CREB3L1: variants seen among roughly 807,000 people sequenced by gnomAD.
CREB3L1 encodes the protein cyclic AMP-responsive element-binding protein 3-like protein 1.
In CREB3L1, 33 loss-of-function variants were observed where a neutral mutation model predicts 54.5. That is an observed-to-expected ratio of 0.61 (90% CI 0.46 to 0.81). CREB3L1 has a LOEUF of 0.81. CREB3L1 is among the 30% of genes least tolerant of loss of function. The pLI is 0.00. For missense variants in CREB3L1, 656 were observed against 673.3 expected, an observed-to-expected ratio of 0.97 and a Z score of 0.29; for synonymous variants, 284 against 286.4, an observed-to-expected ratio of 0.99 and a Z score of 0.08.
intron 1 of CREB3L1, among the ~76,000 whole-genome samples, chr11:46,299,189 C>T (rs1239853661): frequency 6.6e-6 from 1 of 151,906 alleles, no homozygotes; most frequent in East Asian, 1.9e-4. Flanking sequence ...GGTCGTGACC[C>T]ACTAAATTGA....
intron 3 of CREB3L1, among the ~76,000 whole-genome samples, chr11:46,308,268 A>G (rs923682729): frequency 6.6e-6 from 1 of 152,148 alleles, no homozygotes; most frequent in African/African-American, 2.4e-5. Context: ...GCAGGGCTCC[A>G]GGCAGGGGTG....
At chr11:46,313,408 T>A (rs916874386) in intron 8 of CREB3L1, among the ~76,000 whole-genome samples, 6 of 152,080 alleles carry the variant, frequency 3.9e-5, no homozygotes, top group Non-Finnish European at 8.8e-5. Context: ...AAATGCAGGC[T>A]GGGCACGGTG....
At position 46,277,909 on chromosome 11, in the gene CREB3L1, C is replaced by A. The variant is rs1468191753; in HGVS notation, c.-203C>A. 3 of 387,828 alleles carry A rather than the reference C, an allele frequency of 7.7e-6. No homozygotes were observed. The highest frequency in any genetic ancestry group is 1.4e-5 in the Non-Finnish European group (3 of 220,022). 24.0% of individuals were successfully genotyped at this position (387,828 alleles called of 1,614,324 possible). A position where few individuals can be genotyped will look rare whatever the true frequency, so the allele number is the denominator to read the frequency against. On this transcript the variant is annotated 5_prime_UTR_variant, in exon 1 of 12. Transcript: ENST00000621158. ...CCGGGGCCCCTGAGCCCATCCCGCT[C>A]CTAGCCGCTGCCCTAAGGCCCCCGC...
At chr11:46,289,152 C>T (rs573617045) in intron 1 of CREB3L1, among the ~76,000 whole-genome samples, 6 of 151,968 alleles carry the variant, frequency 3.9e-5, no homozygotes, top group East Asian at 1.9e-4. Context: ...CTGAGGCAGG[C>T]GGATCACTTG....
chr11:46,321,064 A>C lies in CREB3L1; in HGVS notation c.*318A>C. 2 of 565,374 alleles carry C rather than the reference A, an allele frequency of 3.5e-6. No individual in the cohort carries two copies. The highest frequency in any genetic ancestry group is 3.1e-5 in the East Asian group (1 of 32,758). 35.0% of individuals were successfully genotyped at this position (565,374 alleles called of 1,614,324 possible). A position where few individuals can be genotyped will look rare whatever the true frequency, so the allele number is the denominator to read the frequency against. On this transcript the variant is annotated 3_prime_UTR_variant, in exon 12 of 12. Coordinates refer to ENST00000621158, the MANE Select transcript of CREB3L1 (RefSeq NM_052854.4). ...CCCACACCTGCACCCAAACAGACAC[A>C]TCAACGCACCCCACTCACAGACACC...
At position 46,320,308 on chromosome 11, in the gene CREB3L1, T is replaced by C; in HGVS notation, c.1303T>C (p.Trp435Arg). The change falls in exon 11 of 12, where the codon TGG (tryptophan) becomes CGG (arginine). Residue 435 changes from tryptophan (W) to arginine (R), a missense_variant. Transcript: ENST00000621158. The stretch of plus-strand genomic sequence containing the variant: ...ATTCTACGATGACGGGGCAGGCTTA[T>C]GGGAAGATGGCCGCAGCACCCTGCT... ...LLFYDDGAGL[W>R]EDGRSTLLPM... is the part of the protein sequence containing the mutation. The C allele has an allele frequency of 6.2e-7, 1 of 1,613,002 alleles. No individual in the cohort carries two copies. The highest frequency in any genetic ancestry group is 1.3e-5 in the African/African-American group (1 of 75,004).
At chr11:46,301,042 C>T (rs1221741811) in intron 2 of CREB3L1, among the ~76,000 whole-genome samples, 1 of 144,462 alleles carries the variant, frequency 6.9e-6, no homozygotes. Context: ...TAGCTGGGCG[C>T]GGTGGTGGGT....
intron 2 of CREB3L1, among the ~76,000 whole-genome samples, 184 bp from the exon 3 acceptor site, chr11:46,307,632 A>G (rs949882019): frequency 6.6e-6 from 1 of 152,122 alleles, no homozygotes; most frequent in Non-Finnish European, 1.5e-5. Context: ...CTGAATGAAG[A>G]GGATGTCCTC....
rs764866404 is a variant in CREB3L1 at position 46,320,455 on chromosome 11, G to A, written c.1450G>A (p.Glu484Lys). Reference sequence around the variant, plus strand: ...CCACGAGACCACCAAGTACCTGAGTGAGGCCTGGCCTAAAGACGGTGGAAA... The same window carrying A: ...CCACGAGACCACCAAGTACCTGAGTAAGGCCTGGCCTAAAGACGGTGGAAA... ...STHETTKYLS[E>K]AWPKDGGNGT... The change falls in exon 11 of 12, where the codon GAG becomes AAG. Residue 484 changes from glutamate (E) to lysine (K), a missense_variant. Physicochemically the swap from Glu to Lys is moderately conservative, Grantham distance 56. This residue lies in a region of CREB3L1 where 240 missense variants were observed against 219.8 expected (regional missense o/e 1.09). Coordinates refer to ENST00000621158, the MANE Select transcript of CREB3L1 (RefSeq NM_052854.4). 1.9e-6 allele frequency: 3 copies of A among 1,607,528 alleles called. No individual in the cohort carries two copies. The highest frequency in any genetic ancestry group is 1.3e-5 in the African/African-American group (1 of 74,708).
chr11:46,299,819 G>A (rs1488168787), intron 1 of CREB3L1, 116 bp from the exon 2 acceptor site: 1 of 720,296 alleles, frequency 1.4e-6, no homozygotes, highest in Non-Finnish European at 2.5e-6. Flanking sequence ...CACAGTAATG[G>A]GAGGTTGCAG....
At chr11:46,312,294 G>T (rs1289455048) in intron 5 of CREB3L1, 31 bp from the exon 6 acceptor site, 1 of 1,547,180 alleles carries the variant, frequency 6.5e-7, no homozygotes, top group African/African-American at 1.4e-5. Flanking sequence ...GGGCTGCCTG[G>T]CTCCTAACTA....
At chr11:46,299,577 G>T (rs1025182351) in intron 1 of CREB3L1, among the ~76,000 whole-genome samples, 2 of 152,188 alleles carry the variant, frequency 1.3e-5, no homozygotes, top group Admixed American at 6.5e-5. Flanking sequence ...ACTGACTCAC[G>T]CAGTTTAAGT....
chr11:46,308,396 G>A (rs931959912), intron 3 of CREB3L1, among the ~76,000 whole-genome samples: 1 of 152,136 alleles, frequency 6.6e-6, no homozygotes, highest in Non-Finnish European at 1.5e-5. Context: ...ACAAAAAAAA[G>A]TGTGCTATAT....
chr11:46,307,811 C>G lies in CREB3L1; in HGVS notation c.332-5C>G. The G allele has an allele frequency of 1.3e-6, 2 of 1,556,680 alleles. No individual in the cohort carries two copies. Among genetic ancestry groups the G allele is most frequent in the Non-Finnish European group, 1.7e-6 (2 of 1,150,616 alleles). The stretch of plus-strand genomic sequence containing the variant: ...GAGTCCCCTGAGCCTTTCCCCTTCC[C>G]CTAGATGCAGAGCATGGAGCATGGG... On this transcript the variant is annotated splice_region_variant and splice_polypyrimidine_tract_variant and intron_variant, in intron 2 of 11. Transcript: ENST00000621158.
At position 46,320,749 on chromosome 11, in the gene CREB3L1, C is replaced by T; in HGVS notation, c.*3C>T. ...ACACCACCATCAAACTCTCCTAGGC[C>T]ATGCCAAGACCCAGGACATAGGACG... On this transcript the variant is annotated 3_prime_UTR_variant, in exon 12 of 12. Transcript: ENST00000621158. The T allele has an allele frequency of 6.2e-7, 1 of 1,612,054 alleles. No individual in the cohort carries two copies. Among genetic ancestry groups the T allele is most frequent in the Non-Finnish European group, 8.5e-7 (1 of 1,179,188 alleles).
chr11:46,288,531 C>T (rs1448928254), intron 1 of CREB3L1, among the ~76,000 whole-genome samples: 1 of 152,208 alleles, frequency 6.6e-6, no homozygotes, highest in Non-Finnish European at 1.5e-5. Flanking sequence ...CTGCAGAGCC[C>T]TGATCACGGG....
At chr11:46,279,015 C>T (rs1411171200) in intron 1 of CREB3L1, among the ~76,000 whole-genome samples, 2 of 152,164 alleles carry the variant, frequency 1.3e-5, no homozygotes, top group Non-Finnish European at 2.9e-5. Flanking sequence ...CAGGCTCAGC[C>T]CTAAGGCCTT....
chr11:46,320,392 C>T lies in CREB3L1; in HGVS notation c.1387C>T (p.Pro463Ser). Reference sequence around the variant, plus strand: ...CCCCGGGGGGCCGGCAGAGCAGCGGCCCCGGGACCACCTGCAGCATGATCA... The same window carrying T: ...CCCCGGGGGGCCGGCAGAGCAGCGGTCCCGGGACCACCTGCAGCATGATCA... ...INPGGPAEQRPRDHLQHDHLD... is the reference protein window; with the variant it reads ...INPGGPAEQRSRDHLQHDHLD... Residue 463 changes from proline (P) to serine (S), a missense_variant, in exon 11 of 12, where the codon CCC becomes TCC. Transcript: ENST00000621158. 1.2e-6 allele frequency: 2 copies of T among 1,610,972 alleles called. No homozygotes were observed. The highest frequency in any genetic ancestry group is 1.7e-6 in the Non-Finnish European group (2 of 1,178,668).
At chr11:46,312,752 G>C (rs1939510910) in intron 7 of CREB3L1, 82 bp downstream of exon 7, 3 of 1,555,624 alleles carry the variant, frequency 1.9e-6, no homozygotes, top group Non-Finnish European at 2.6e-6. Flanking sequence ...GGGCAGCAGA[G>C]GCAGGGGGCA....
Sources: allele counts gnomAD v4.1 joint callset (sites outside exome capture counted in the v4.1 genomes callset), GRCh38; gene constraint gnomAD v4.1.1; regional missense constraint gnomAD v4.1.1; transcripts MANE v1.5; gene names NCBI Gene and HGNC (gene_info 2026-07-23, HGNC 2026-07-21).